The following SNX14 variants were observed in gnomAD, a reference collection of about 807,000 sequenced individuals.
SNX14 encodes the protein sorting nexin 14, also known as sorting nexin-14.
In SNX14, 93 loss-of-function variants were observed where a neutral mutation model predicts 133.8. That is an observed-to-expected ratio of 0.70 (90% CI 0.59 to 0.83). The LOEUF (loss-of-function observed/expected upper bound fraction) is 0.83. SNX14 is among the 40% of genes least tolerant of loss of function. The pLI is 0.00. For missense variants in SNX14, 945 were observed against 1,094.9 expected (o/e 0.86, Z 1.93); for synonymous variants, 368 against 365.6 (o/e 1.01, Z -0.07).
chr6:85,582,527 C>T (rs933897143), intron 1 of SNX14, among the ~76,000 whole-genome samples: 1 of 150,428 alleles, frequency 6.6e-6, no homozygotes, highest in African/African-American at 2.4e-5. Flanking sequence ...GCAAAATAGA[C>T]CACTAGCCAG....
chr6:85,568,799 ATAT>A lies in SNX14; in HGVS notation c.418-1225_418-1223del, dbSNP rs1427204360. On this transcript the variant is annotated intron_variant, in intron 4 of 28. Coordinates refer to ENST00000314673, the MANE Select transcript of SNX14 (RefSeq NM_153816.6). ...TTAGTACAAAAACTAAGCATTGTTT[ATAT>A]GTGTTGGGAAATGAAAATACATATA... 1.2e-4 allele frequency among the ~76,000 whole-genome samples: 19 copies of A among 152,328 alleles called. No individual in the cohort carries two copies. The East Asian group carries it at 3.7e-3, about 29-fold the overall frequency.
rs115511283 is a variant in SNX14, at chr6:85,540,707, G to C, written c.1448+1278C>G. Among the ~76,000 whole-genome samples the C allele has an allele frequency of 1.3e-3, 200 of 152,194 alleles. 1 individual carries two copies. Among genetic ancestry groups the C allele is most frequent in the African/African-American group, 4.5e-3 (186 of 41,512 alleles). On this transcript the variant is annotated intron_variant, in intron 15 of 28. Coordinates refer to ENST00000314673, the MANE Select transcript of SNX14 (RefSeq NM_153816.6). ...AAAACATCTATTCCCATAACACTTGGTTACGTCAAGAAATACAATATATTC... is the reference window on the plus strand; with the variant it reads ...AAAACATCTATTCCCATAACACTTGCTTACGTCAAGAAATACAATATATTC...
intron 21 of SNX14, among the ~76,000 whole-genome samples, chr6:85,525,016 T>C (rs1778115892): frequency 6.6e-6 from 1 of 152,196 alleles, no homozygotes; most frequent in Non-Finnish European, 1.5e-5. Flanking sequence ...TATCTGGATT[T>C]CTGCTGAACT....
At chr6:85,516,466 T>C (rs953096331) in intron 23 of SNX14, among the ~76,000 whole-genome samples, 2 of 152,012 alleles carry the variant, frequency 1.3e-5, no homozygotes, top group East Asian at 3.8e-4. Flanking sequence ...CAAACAAAAC[T>C]GGAGGCCTAG....
At chr6:85,590,399 G>T (rs1000825730) in intron 1 of SNX14, among the ~76,000 whole-genome samples, 1 of 152,152 alleles carries the variant, frequency 6.6e-6, no homozygotes, top group Non-Finnish European at 1.5e-5. Flanking sequence ...GTTCAGGGCT[G>T]CTCTGCCTAT....
At chr6:85,575,843 C>T (rs1477919114) in intron 1 of SNX14, among the ~76,000 whole-genome samples, 1 of 152,204 alleles carries the variant, frequency 6.6e-6, no homozygotes, top group African/African-American at 2.4e-5. Context: ...TTGATCCAAA[C>T]TTAGGAGTAT....
Position 85,505,838 on chromosome 6 carries a change from A to G in SNX14, c.*129T>C. 1.5e-6 allele frequency: 1 copy of G among 657,762 alleles called. No homozygotes were observed. Among genetic ancestry groups the G allele is most frequent in the Admixed American group, 3.1e-5 (1 of 32,730 alleles). The allele number at this position is 657,762 out of a possible 1,614,324, so 40.7% of individuals were successfully genotyped here. On this transcript the variant is annotated 3_prime_UTR_variant, in exon 29 of 29. Coordinates refer to ENST00000314673, the MANE Select transcript of SNX14 (RefSeq NM_153816.6). ...AAGTTTGTGTTAGTCTTTATTAAAA[A>G]CAAAAAATAACTAAAATTTCAGACA...
In SNX14 at chr6:85,538,868, C is replaced by A. The variant is rs142002314; in HGVS notation, c.1449-4G>T. ...ATCATCCAAACTTAGGCTACCTCTG[C>A]AATAACAGGTATGTGAAATAATATA... On this transcript the variant is annotated splice_region_variant and splice_polypyrimidine_tract_variant and intron_variant, in intron 15 of 28. Transcript: ENST00000314673. The A allele has an allele frequency of 1.6e-4, 252 of 1,593,248 alleles. No homozygotes were observed. The African/African-American group carries it at 3.1e-3, about 20-fold the overall frequency.
chr6:85,540,711 C>T (rs1368843265), intron 15 of SNX14, among the ~76,000 whole-genome samples: 1 of 152,168 alleles, frequency 6.6e-6, no homozygotes, highest in Non-Finnish European at 1.5e-5. Context: ...CACTTGGTTA[C>T]GTCAAGAAAT....
chr6:85,511,229 T>C lies in SNX14; in HGVS notation c.2653+2571A>G, dbSNP rs114099050. ...AAATACCACTTGCTCACTGATGATA[T>C]ACACGAAAAGTAACTGAATTTTGTG... On this transcript the variant is annotated intron_variant, in intron 26 of 28. Transcript: ENST00000314673. Among the ~76,000 whole-genome samples, 210 of 152,344 alleles carry C rather than the reference T, an allele frequency of 1.4e-3. 1 individual carries two copies. Among genetic ancestry groups the C allele is most frequent in the African/African-American group, 4.9e-3 (203 of 41,574 alleles).
At chr6:85,537,172 A>AT in intron 16 of SNX14, 1 of 341,038 alleles carries the variant, frequency 2.9e-6, no homozygotes, top group Non-Finnish European at 5.3e-6. Context: ...ATAAACACTC[A>AT]AAATTTACCT....
intron 21 of SNX14, among the ~76,000 whole-genome samples, chr6:85,520,705 T>C (rs975544186): frequency 6.6e-6 from 1 of 152,152 alleles, no homozygotes; most frequent in Non-Finnish European, 1.5e-5. Flanking sequence ...ACTAGTTTGG[T>C]CTGTTTTGAT....
intron 16 of SNX14, among the ~76,000 whole-genome samples, chr6:85,538,240 T>A (rs1782548888): frequency 2.0e-5 from 3 of 152,126 alleles, no homozygotes; most frequent in African/African-American, 7.2e-5. Flanking sequence ...TAAACTAGAT[T>A]ATTTTATCTA....
intron 1 of SNX14, among the ~76,000 whole-genome samples, chr6:85,579,428 A>G (rs2128218960): frequency 6.6e-6 from 1 of 152,336 alleles, no homozygotes; most frequent in South Asian, 2.1e-4. Context: ...CTAAACAAAA[A>G]AAACCTTCAT....
intron 7 of SNX14, 54 bp from the exon 8 acceptor site, chr6:85,549,933 C>A (rs371111578): frequency 1.3e-6 from 2 of 1,482,498 alleles, no homozygotes; most frequent in Admixed American, 3.8e-5. Context: ...TAAATAATTT[C>A]GGTCATTTCC....
In SNX14 at chr6:85,513,857, G is replaced by A. The variant is rs876657385; in HGVS notation, c.2596C>T (p.Gln866Ter). 3 of 1,612,664 alleles carry A rather than the reference G, an allele frequency of 1.9e-6. No individual in the cohort carries two copies. The highest frequency in any genetic ancestry group is 2.5e-6 in the Non-Finnish European group (3 of 1,179,634). ...FCENTEPRSLQDKQKGAKQTF... is the reference protein window; with the variant it reads ...FCENTEPRSL ...TGTTTTGCTCCTTTTTGCTTATCTT[G>A]GAGAGAGCGAGGTTCAGTGTTTTCA... Residue 866 changes from glutamine to a stop codon, truncating the protein, a stop_gained, in exon 26 of 29, where the codon CAA becomes TAA. Transcript: ENST00000314673. LOFTEE classifies it high-confidence loss of function.
In SNX14 at chr6:85,528,359, G is replaced by A. The variant is rs367587585; in HGVS notation, c.1898C>T (p.Ala633Val). ...AGAAGGAAGCTGGGCATCAGGAAAT[G>A]CACCTGAAATTAGTATATATTATAG... Reference protein sequence around the residue: ...LESKLTEFHGAFPDAQLPSKR... With the variant: ...LESKLTEFHGVFPDAQLPSKR... The change falls in exon 20 of 29, where the codon GCA becomes GTA. Residue 633 changes from alanine to valine, a missense_variant. Transcript: ENST00000314673. 38 of 1,609,668 alleles carry A rather than the reference G, an allele frequency of 2.4e-5. No homozygotes were observed. The highest frequency in any genetic ancestry group is 2.9e-5 in the Non-Finnish European group (34 of 1,177,302).
chr6:85,516,286 C>A (rs947283996), intron 23 of SNX14, among the ~76,000 whole-genome samples: 1 of 152,116 alleles, frequency 6.6e-6, no homozygotes, highest in East Asian at 1.9e-4. Flanking sequence ...TTAATAAACA[C>A]CTTTACATGT....
At chr6:85,511,853 A>G (rs1403602598) in intron 26 of SNX14, among the ~76,000 whole-genome samples, 1 of 152,154 alleles carries the variant, frequency 6.6e-6, no homozygotes. Flanking sequence ...TATGTCTTGT[A>G]ATTTTTTTCT....
Sources: allele counts gnomAD v4.1 joint callset (sites outside exome capture counted in the v4.1 genomes callset), GRCh38; gene constraint gnomAD v4.1.1; transcripts MANE v1.5; gene names NCBI Gene and HGNC (gene_info 2026-07-23, HGNC 2026-07-21).